The following AATK variants were observed in gnomAD, a reference collection of about 807,000 sequenced individuals.
AATK encodes lemur tail kinase 1, also known as serine/threonine-protein kinase LMTK1.
AATK carries 91 observed loss-of-function variants against 114.3 expected under a neutral mutation model. The observed-to-expected ratio is 0.80, with a 90% CI of 0.67 to 0.95. AATK has a LOEUF of 0.95. Among genes scored for constraint, AATK ranks in the 40% least tolerant of loss-of-function variants. AATK has a pLI of 0.00. For missense variants in AATK, 2,176 were observed against 1,965.2 expected (o/e 1.11, Z -2.03); for synonymous variants, 1,075 against 916.5 (o/e 1.17, Z -3.12).
intron 1 of AATK, among the ~76,000 whole-genome samples, chr17:81,164,929 C>T (rs570631986): frequency 6.6e-5 from 10 of 152,322 alleles, no homozygotes; most frequent in African/African-American, 2.4e-4. Context: ...GCCTTCAGAC[C>T]GAGATCTGCC....
At chr17:81,143,092 C>T (rs142852832) in intron 1 of AATK, among the ~76,000 whole-genome samples, 9 of 152,326 alleles carry the variant, frequency 5.9e-5, no homozygotes, top group African/African-American at 1.4e-4. Flanking sequence ...GCAGCGTTGC[C>T]GGCACACGGC....
At position 81,124,779 on chromosome 17, in the gene AATK, C is replaced by G; in HGVS notation, c.910G>C (p.Glu304Gln). ...ACGACGAGCAGGTTGCTATGCACCTCGTCCACCAGCTCTGGCGCGATCCAG... is the reference window on the plus strand; with the variant it reads ...ACGACGAGCAGGTTGCTATGCACCTGGTCCACCAGCTCTGGCGCGATCCAG... ...LRWIAPELVD[E>Q]VHSNLLVVDQ... is the part of the protein sequence containing the mutation. The change falls in exon 9 of 14, where the codon GAG becomes CAG. Residue 304 changes from glutamate (E) to glutamine (Q), a missense_variant. Glu to Gln is a conservative substitution (Grantham distance 29). This residue lies in a region of AATK where 273 missense variants were observed against 344.1 expected (regional missense o/e 0.79). Coordinates refer to ENST00000326724, the MANE Select transcript of AATK (RefSeq NM_001080395.3). 1 of 1,612,908 alleles carries G rather than the reference C, an allele frequency of 6.2e-7. No homozygotes were observed. Among genetic ancestry groups the G allele is most frequent in the Non-Finnish European group, 8.5e-7 (1 of 1,179,824 alleles).
chr17:81,147,539 G>A (rs779847965), intron 1 of AATK, among the ~76,000 whole-genome samples: 1 of 152,134 alleles, frequency 6.6e-6, no homozygotes, highest in South Asian at 2.1e-4. Flanking sequence ...CGGATTGCTT[G>A]AACTTAAGAG....
chr17:81,158,141 C>T (rs1598223007), intron 1 of AATK, among the ~76,000 whole-genome samples: 1 of 152,214 alleles, frequency 6.6e-6, no homozygotes, highest in Non-Finnish European at 1.5e-5. Flanking sequence ...TGCAGGGCCG[C>T]CCGTCACAGA....
rs760394776 is a variant in AATK, at chr17:81,118,427, G to T, written c.4100C>A (p.Ala1367Asp). 1.2e-5 allele frequency: 19 copies of T among 1,608,650 alleles called. No individual in the cohort carries two copies. In the East Asian group the frequency reaches 4.0e-4, roughly 34 times the overall value. ...AESKRGPEAG[A>D]GGESKEA ...TCAAGCCTCTTTACTCTCACCCCCG[G>T]CACCAGCTTCAGGTCCTGGCAAGCA... Residue 1367 changes from alanine to aspartate, a missense_variant, in exon 14 of 14, where the codon GCC (alanine) becomes GAC (aspartate). By Grantham distance (126) the Ala-to-Asp change is moderately radical. Around this residue, in one of 4 missense-constraint regions of AATK, gnomAD observed 1,701 missense variants for 1,394.7 expected, o/e 1.22. Coordinates refer to ENST00000326724, the MANE Select transcript of AATK (RefSeq NM_001080395.3).
At chr17:81,125,528 GC>G (rs1321063390) in intron 7 of AATK, among the ~76,000 whole-genome samples, 2 of 152,168 alleles carry the variant, frequency 1.3e-5, no homozygotes, top group African/African-American at 4.8e-5. Flanking sequence ...GCCACCACTG[GC>G]CCCAGGGTTG....
chr17:81,130,464 G>A (rs2060912420), intron 3 of AATK, among the ~76,000 whole-genome samples: 1 of 152,280 alleles, frequency 6.6e-6, no homozygotes, highest in African/African-American at 2.4e-5. Context: ...TGTGGCTGAG[G>A]CCCTGCCTGC....
chr17:81,159,429 G>A (rs1013594238), intron 1 of AATK, among the ~76,000 whole-genome samples: 7 of 152,128 alleles, frequency 4.6e-5, no homozygotes, highest in South Asian at 4.1e-4. Flanking sequence ...AATCCAATGC[G>A]GGGAAGCCCC....
In AATK at chr17:81,118,439, G is replaced by C; in HGVS notation, c.4088C>G (p.Pro1363Arg). Residue 1363 changes from proline to arginine, a missense_variant, in exon 14 of 14, where the codon CCT becomes CGT. Around this residue, in one of 4 missense-constraint regions of AATK, gnomAD observed 1,701 missense variants for 1,394.7 expected, o/e 1.22. Transcript: ENST00000326724. ...SDSDAESKRG[P>R]EAGAGGESKE... ...ACTCTCACCCCCGGCACCAGCTTCA[G>C]GTCCTGGCAAGCAGGACAACAAAGT... is the stretch of plus-strand genomic sequence containing the variant. 6.2e-7 allele frequency: 1 copy of C among 1,607,290 alleles called. No homozygotes were observed.
rs1206194148 is a variant in AATK at position 81,122,150 on chromosome 17, G to A, written c.1786C>T (p.Arg596Cys). ...AGCGGGTCCCGCGCCAAGCTTCTGC[G>A]AGGGTAGTGGTCGCCGCGGCCCCAG... ...VPWGRGDHYP[R>C]RSLARDPLCP... The change falls in exon 11 of 14, where the codon CGC becomes TGC. Residue 596 changes from arginine to cysteine, a missense_variant. Coordinates refer to ENST00000326724, the MANE Select transcript of AATK (RefSeq NM_001080395.3). 4.6e-6 allele frequency: 7 copies of A among 1,523,042 alleles called. No individual in the cohort carries two copies. The highest frequency in any genetic ancestry group is 2.4e-5 in the South Asian group (2 of 83,696). 94.3% of individuals were successfully genotyped at this position (1,523,042 alleles called of 1,614,324 possible).
intron 1 of AATK, among the ~76,000 whole-genome samples, chr17:81,139,197 C>G (rs1168951703): frequency 6.6e-6 from 1 of 152,210 alleles, no homozygotes; most frequent in Non-Finnish European, 1.5e-5. Context: ...ACAAGCACAC[C>G]CAAAGGGTGG....
rs986005554 is a variant in AATK at position 81,126,232 on chromosome 17, G to T, written c.755+195C>A. On this transcript the variant is annotated intron_variant, in intron 7 of 13. Coordinates refer to ENST00000326724, the MANE Select transcript of AATK (RefSeq NM_001080395.3). The surrounding 1 kb of genome is among the most constrained non-coding windows in gnomAD (Gnocchi z 5.1). ...ATCTCTTCGTCTAAACCTGCAAAGT[G>T]GGTGTCAAACCATTGTCTTCCCAAT... 6.6e-6 allele frequency among the ~76,000 whole-genome samples: 1 copy of T among 152,204 alleles called. No individual in the cohort carries two copies. Among genetic ancestry groups the T allele is most frequent in the African/African-American group, 2.4e-5 (1 of 41,458 alleles).
chr17:81,148,107 G>GA (rs539165941), intron 1 of AATK, among the ~76,000 whole-genome samples: 37 of 150,266 alleles, frequency 2.5e-4, no homozygotes, highest in African/African-American at 9.1e-4. Context: ...AGAAAGCTGG[G>GA]AAAAAATACC....
At chr17:81,146,823 G>T (rs758191205) in intron 1 of AATK, among the ~76,000 whole-genome samples, 28 of 151,546 alleles carry the variant, frequency 1.8e-4, no homozygotes, top group Non-Finnish European at 3.5e-4. Flanking sequence ...TCCAGACAGC[G>T]GGAGTTTGTA....
At chr17:81,156,455 G>T (rs1041597270) in intron 1 of AATK, among the ~76,000 whole-genome samples, 4 of 152,180 alleles carry the variant, frequency 2.6e-5, no homozygotes, top group Non-Finnish European at 4.4e-5. Context: ...CTGGAGTGCA[G>T]TGGTGCTTCT....
chr17:81,162,262 AGGGTCTC>A (rs2061436148), intron 1 of AATK, among the ~76,000 whole-genome samples: 1 of 151,996 alleles, frequency 6.6e-6, no homozygotes, highest in Non-Finnish European at 1.5e-5. Context: ...CTGCAGCCTA[AGGGTCTC>A]GGTGGGAGAC....
At chr17:81,159,969 G>C (rs2061410933) in intron 1 of AATK, among the ~76,000 whole-genome samples, 1 of 152,182 alleles carries the variant, frequency 6.6e-6, no homozygotes, top group African/African-American at 2.4e-5. Flanking sequence ...CCCTCCCCGA[G>C]GGTGAGATGG....
intron 1 of AATK, among the ~76,000 whole-genome samples, chr17:81,140,276 G>T (rs566303805): frequency 6.6e-6 from 1 of 152,158 alleles, no homozygotes; most frequent in Admixed American, 6.5e-5. Context: ...TGCTTTTTTC[G>T]TATCAGTGCT....
At chr17:81,139,368 C>T (rs1373740997) in intron 1 of AATK, among the ~76,000 whole-genome samples, 1 of 152,238 alleles carries the variant, frequency 6.6e-6, no homozygotes, top group Non-Finnish European at 1.5e-5. Context: ...ATGCCGCACT[C>T]TTCCCAAATA....
Sources: gnomAD v4.1 joint callset for allele counts (sites outside exome capture counted in the v4.1 genomes callset) on GRCh38, gnomAD v4.1.1 for gene constraint, gnomAD v4.1.1 regional missense constraint, Gnocchi (gnomAD v3.1) non-coding constraint, MANE v1.5 for transcripts, NCBI Gene and HGNC (gene_info 2026-07-23, HGNC 2026-07-21) for gene names.